USP17L1: variants seen among roughly 807,000 people sequenced by gnomAD.
USP17L1 encodes ubiquitin carboxyl-terminal hydrolase 17-like protein 1.
USP17L1 carries 42 observed loss-of-function variants against 31.4 expected under a neutral mutation model. The ratio of observed to expected loss-of-function variants is 1.34; its 90% confidence interval spans 1.05 to 1.73. The LOEUF (loss-of-function observed/expected upper bound fraction) is 1.73. Among genes scored for constraint, USP17L1 ranks in the 40% most tolerant of loss-of-function variants. USP17L1 has a pLI of 0.00. For synonymous variants in USP17L1, 230 were observed against 194.4 expected (o/e 1.18, Z -1.52); for missense variants, 576 against 495.8 (o/e 1.16, Z -1.54).
rs775204119 is a variant in USP17L1, at chr8:7,333,020, G to A, written c.634G>A (p.Gly212Arg). ...TCAAATCAAGTGTCTCCACTGCCAC[G>A]GGATTTCAGACACTTTTGACCCTTA... ...RSQIKCLHCH[G>R]ISDTFDPYLD... The change falls in exon 1 of 1, where the codon GGG (glycine) becomes AGG (arginine). Residue 212 changes from glycine to arginine, a missense_variant. Coordinates refer to ENST00000529559, the MANE Select transcript of USP17L1 (RefSeq NM_001256873.1). The A allele has an allele frequency of 1.3e-5, 16 of 1,198,978 alleles. 1 individual carries two copies. Among genetic ancestry groups the A allele is most frequent in the Middle Eastern group, 2.7e-4 (1 of 3,644 alleles). 74.3% of individuals were successfully genotyped at this position (1,198,978 alleles called of 1,614,324 possible).
Position 7,332,432 on chromosome 8 carries a change from C to A in USP17L1, c.46C>A (p.His16Asn). Reference sequence around the variant, plus strand: ...CTTGGGAGGTGAGTGGCAGTTCAACCACTTTTCAAAACTCACATCTTCTCG... The same window carrying A: ...CTTGGGAGGTGAGTGGCAGTTCAACAACTTTTCAAAACTCACATCTTCTCG... ...LYLGGEWQFN[H>N]FSKLTSSRPD... Residue 16 changes from histidine to asparagine, a missense_variant, in exon 1 of 1, where the codon CAC (histidine) becomes AAC (asparagine). His to Asn is a moderately conservative substitution (Grantham distance 68). Transcript: ENST00000529559. The A allele has an allele frequency of 1.7e-6, 1 of 585,510 alleles. No individual in the cohort carries two copies. The highest frequency in any genetic ancestry group is 2.8e-6 in the Non-Finnish European group (1 of 352,740). The allele number at this position is 585,510 out of a possible 1,614,324, so 36.3% of individuals were successfully genotyped here.
In USP17L1 at chr8:7,332,933, G is replaced by C. The variant is rs759189789; in HGVS notation, c.547G>C (p.Val183Leu). 7.1e-6 allele frequency: 11 copies of C among 1,559,222 alleles called. No homozygotes were observed. Among genetic ancestry groups the C allele is most frequent in the Admixed American group, 6.8e-5 (4 of 58,754 alleles). ...GGCATGCCTTCCCGGCCACAAGCAG[G>C]TAGATCATCACTGCAAGGACACCAC... is the stretch of plus-strand genomic sequence containing the variant. ...KKACLPGHKQVDHHCKDTTLI... is the reference protein window; with the variant it reads ...KKACLPGHKQLDHHCKDTTLI... Residue 183 changes from valine (V) to leucine (L), a missense_variant, in exon 1 of 1, where the codon GTA becomes CTA. Transcript: ENST00000529559.
At position 7,333,202 on chromosome 8, in the gene USP17L1, T is replaced by C. The variant is rs1177101622; in HGVS notation, c.816T>C (p.Ser272=). The change falls in exon 1 of 1, where the codon TCT becomes TCC. Residue 272 remains serine (S), a synonymous_variant. Transcript: ENST00000529559. The stretch of plus-strand genomic sequence containing the variant: ...CCAACACGTTAACTTTACACACTTC[T>C]GCCAAGGTCCTCATCCTTGTCTTGA... ...PASNTLTLHT[S]AKVLILVLKR... The C allele has an allele frequency of 4.6e-6, 4 of 864,430 alleles. No homozygotes were observed. Among genetic ancestry groups the C allele is most frequent in the Non-Finnish European group, 7.2e-6 (4 of 553,622 alleles). The allele number at this position is 864,430 out of a possible 1,614,324, so 53.5% of individuals were successfully genotyped here. A position where few individuals can be genotyped will look rare whatever the true frequency, so the allele number is the denominator to read the frequency against.
At position 7,333,665 on chromosome 8, in the gene USP17L1, A is replaced by G. The variant is rs1367493653; in HGVS notation, c.1279A>G (p.Arg427Gly). Residue 427 changes from arginine to glycine, a missense_variant, in exon 1 of 1, where the codon AGA becomes GGA. By Grantham distance (125) the Arg-to-Gly change is moderately radical. Transcript: ENST00000529559. ...CGAGTTGGACGAGCACTTGGTGGAA[A>G]GAGCCACTCAGGAAAGCACCTTAGA... is the stretch of plus-strand genomic sequence containing the variant. ...APELDEHLVERATQESTLDHW... is the reference protein window; with the variant it reads ...APELDEHLVEGATQESTLDHW... 1 of 1,573,676 alleles carries G rather than the reference A, an allele frequency of 6.4e-7. No homozygotes were observed. Among genetic ancestry groups the G allele is most frequent in the Non-Finnish European group, 8.6e-7 (1 of 1,166,562 alleles).
chr8:7,333,148 C>G lies in USP17L1; in HGVS notation c.762C>G (p.Cys254Trp). 1.3e-6 allele frequency: 1 copy of G among 780,812 alleles called. No homozygotes were observed. Among genetic ancestry groups the G allele is most frequent in the Non-Finnish European group, 2.0e-6 (1 of 490,186 alleles). The allele number at this position is 780,812 out of a possible 1,614,324, so 48.4% of individuals were successfully genotyped here. Reference sequence around the variant, plus strand: ...TCAATGGAGAGAATGCCTATCATTGCGGTCTTTGTCTCCAGAGGGCGCCGG... The same window carrying G: ...TCAATGGAGAGAATGCCTATCATTGGGGTCTTTGTCTCCAGAGGGCGCCGG... ...EELNGENAYH[C>W]GLCLQRAPAS... Residue 254 changes from cysteine to tryptophan, a missense_variant, in exon 1 of 1, where the codon TGC becomes TGG. Physicochemically the swap from Cys to Trp is radical, Grantham distance 215. Coordinates refer to ENST00000529559, the MANE Select transcript of USP17L1 (RefSeq NM_001256873.1).
rs1447514838 is a variant in USP17L1, at chr8:7,332,500, T to C, written c.114T>C (p.Pro38=). ...AFAEIQRTSL[P]EKSPLSSETR... ...CTGAAATCCAGCGGACTTCTCTCCCTGAGAAGTCACCACTCTCATCTGAGA... is the reference window on the plus strand; with the variant it reads ...CTGAAATCCAGCGGACTTCTCTCCCCGAGAAGTCACCACTCTCATCTGAGA... The change falls in exon 1 of 1, where the codon CCT becomes CCC. Residue 38 remains proline (P), a synonymous_variant. Transcript: ENST00000529559. 9 of 527,014 alleles carry C rather than the reference T, an allele frequency of 1.7e-5. 1 individual carries two copies. Among genetic ancestry groups the C allele is most frequent in the East Asian group, 3.0e-5 (1 of 33,816 alleles). The allele number at this position is 527,014 out of a possible 1,614,324, so 32.6% of individuals were successfully genotyped here. A position where few individuals can be genotyped will look rare whatever the true frequency, so the allele number is the denominator to read the frequency against.
At position 7,333,872 on chromosome 8, in the gene USP17L1, G is replaced by A. The variant is rs1324186007; in HGVS notation, c.1486G>A (p.Asp496Asn). 7.4e-6 allele frequency: 11 copies of A among 1,479,204 alleles called. 1 individual carries two copies. Among genetic ancestry groups the A allele is most frequent in the Non-Finnish European group, 1.0e-5 (11 of 1,089,170 alleles). 91.6% of individuals were successfully genotyped at this position (1,479,204 alleles called of 1,614,324 possible). A position where few individuals can be genotyped will look rare whatever the true frequency, so the allele number is the denominator to read the frequency against. ...LLNLSSTTRTDQESMNTGTLA... is the reference protein window; with the variant it reads ...LLNLSSTTRTNQESMNTGTLA... ...AAACCTCTCTTCGACGACCCGGACA[G>A]ATCAGGAGTCCATGAACACTGGCAC... Residue 496 changes from aspartate to asparagine, a missense_variant, in exon 1 of 1, where the codon GAT becomes AAT. Coordinates refer to ENST00000529559, the MANE Select transcript of USP17L1 (RefSeq NM_001256873.1).
In USP17L1 at chr8:7,333,489, A is replaced by G; in HGVS notation, c.1103A>G (p.Tyr368Cys). 1.3e-6 allele frequency: 2 copies of G among 1,557,540 alleles called. No individual in the cohort carries two copies. The highest frequency in any genetic ancestry group is 1.7e-6 in the Non-Finnish European group (2 of 1,155,172). Residue 368 changes from tyrosine to cysteine, a missense_variant, in exon 1 of 1, where the codon TAT becomes TGT. Physicochemically the swap from Tyr to Cys is radical, Grantham distance 194. Coordinates refer to ENST00000529559, the MANE Select transcript of USP17L1 (RefSeq NM_001256873.1). ...ATTTCTGTCCTGAGTCAACAGGCCT[A>G]TGTCCTCTTTTACATCCAGAAGAGT... Reference protein sequence around the residue: ...SIISVLSQQAYVLFYIQKSEW... With the variant: ...SIISVLSQQACVLFYIQKSEW...
Position 7,333,692 on chromosome 8 carries a change from C to A in USP17L1, c.1306C>A (p.His436Asn), listed in dbSNP as rs779567767. The A allele has an allele frequency of 3.6e-5, 57 of 1,586,196 alleles. 4 individuals are homozygous for A. The East Asian group carries it at 9.9e-4, about 28-fold the overall frequency. Residue 436 changes from histidine (H) to asparagine (N), a missense_variant, in exon 1 of 1, where the codon CAC (histidine) becomes AAC (asparagine). Coordinates refer to ENST00000529559, the MANE Select transcript of USP17L1 (RefSeq NM_001256873.1). ...AGCCACTCAGGAAAGCACCTTAGAC[C>A]ACTGGAAATTCCTGCAAGAGCAAAA... Reference protein sequence around the residue: ...ERATQESTLDHWKFLQEQNKT... With the variant: ...ERATQESTLDNWKFLQEQNKT...
chr8:7,332,562 C>T lies in USP17L1; in HGVS notation c.176C>T (p.Ala59Val), dbSNP rs1262270301. The T allele has an allele frequency of 6.0e-6, 3 of 501,054 alleles. No individual in the cohort carries two copies. The Admixed American group carries it at 1.1e-4, about 19-fold the overall frequency. 31.0% of individuals were successfully genotyped at this position (501,054 alleles called of 1,614,324 possible). A position where few individuals can be genotyped will look rare whatever the true frequency, so the allele number is the denominator to read the frequency against. Residue 59 changes from alanine (A) to valine (V), a missense_variant, in exon 1 of 1, where the codon GCA becomes GTA. Transcript: ENST00000529559. ...CTCTGTGATGATTTGGCTCCTGTGG[C>T]AAGACAGCTCGCTCCCAGGGAGAAG... ...VDLCDDLAPV[A>V]RQLAPREKLP...
rs548388206 is a variant in USP17L1, at chr8:7,333,750, T to C, written c.1364T>C (p.Val455Ala). 1.3e-6 allele frequency: 2 copies of C among 1,579,462 alleles called. No individual in the cohort carries two copies. Among genetic ancestry groups the C allele is most frequent in the Non-Finnish European group, 1.7e-6 (2 of 1,171,512 alleles). Residue 455 changes from valine to alanine, a missense_variant, in exon 1 of 1, where the codon GTC becomes GCC. Transcript: ENST00000529559. Reference sequence around the variant, plus strand: ...AAGCCTGAGTTCAACGTCGGAAAAGTCGAAGGTACCCTGCCTCCCAACGCA... The same window carrying C: ...AAGCCTGAGTTCAACGTCGGAAAAGCCGAAGGTACCCTGCCTCCCAACGCA... Reference protein sequence around the residue: ...KTKPEFNVGKVEGTLPPNALV... With the variant: ...KTKPEFNVGKAEGTLPPNALV...
At position 7,332,944 on chromosome 8, in the gene USP17L1, C is replaced by T. The variant is rs1275638932; in HGVS notation, c.558C>T (p.His186=). The T allele has an allele frequency of 7.0e-6, 11 of 1,563,996 alleles. No homozygotes were observed. The Admixed American group carries it at 1.0e-4, about 15-fold the overall frequency. Reference sequence around the variant, plus strand: ...CCGGCCACAAGCAGGTAGATCATCACTGCAAGGACACCACCCTCATCCACC... The same window carrying T: ...CCGGCCACAAGCAGGTAGATCATCATTGCAAGGACACCACCCTCATCCACC... ...CLPGHKQVDH[H]CKDTTLIHQI... Residue 186 remains histidine (H), a synonymous_variant, in exon 1 of 1, where the codon CAC becomes CAT. Transcript: ENST00000529559.
At position 7,333,578 on chromosome 8, in the gene USP17L1, G is replaced by A. The variant is rs773143816; in HGVS notation, c.1192G>A (p.Asp398Asn). The change falls in exon 1 of 1, where the codon GAC becomes AAC. Residue 398 changes from aspartate to asparagine, a missense_variant. By Grantham distance (23) the Asp-to-Asn change is conservative (BLOSUM62 1). Coordinates refer to ENST00000529559, the MANE Select transcript of USP17L1 (RefSeq NM_001256873.1). ...GREPRALGAE[D>N]TDRRAKQGEL... ...GGAACCAAGAGCCCTCGGCGCTGAA[G>A]ACACAGACAGGCGAGCAAAGCAAGG... 19 of 1,474,282 alleles carry A rather than the reference G, an allele frequency of 1.3e-5. No homozygotes were observed. The Admixed American group carries it at 2.9e-4, about 23-fold the overall frequency. 91.3% of individuals were successfully genotyped at this position (1,474,282 alleles called of 1,614,324 possible).
chr8:7,333,885 T>G lies in USP17L1; in HGVS notation c.1499T>G (p.Met500Arg), dbSNP rs769082990. 3.1e-5 allele frequency: 47 copies of G among 1,497,072 alleles called. 1 individual carries two copies. The highest frequency in any genetic ancestry group is 3.4e-5 in the South Asian group (3 of 87,170). The allele number at this position is 1,497,072 out of a possible 1,614,324, so 92.7% of individuals were successfully genotyped here. Reference sequence around the variant, plus strand: ...ACGACCCGGACAGATCAGGAGTCCATGAACACTGGCACACTCGCTTCTCTG... The same window carrying G: ...ACGACCCGGACAGATCAGGAGTCCAGGAACACTGGCACACTCGCTTCTCTG... ...SSTTRTDQES[M>R]NTGTLASLQG... Residue 500 changes from methionine (M) to arginine (R), a missense_variant, in exon 1 of 1, where the codon ATG becomes AGG. By Grantham distance (91) the Met-to-Arg change is moderately conservative. Coordinates refer to ENST00000529559, the MANE Select transcript of USP17L1 (RefSeq NM_001256873.1).
rs1585345916 is a variant in USP17L1, at chr8:7,332,904, A to T, written c.518A>T (p.Lys173Ile). The T allele has an allele frequency of 3.3e-6, 5 of 1,506,190 alleles. No individual in the cohort carries two copies. The East Asian group carries it at 1.2e-4, about 35-fold the overall frequency. 93.3% of individuals were successfully genotyped at this position (1,506,190 alleles called of 1,614,324 possible). ...EFLMFTVDAM[K>I]KACLPGHKQV... ...CTCATGTTCACTGTGGATGCCATGAAAAAGGCATGCCTTCCCGGCCACAAG... is the reference window on the plus strand; with the variant it reads ...CTCATGTTCACTGTGGATGCCATGATAAAGGCATGCCTTCCCGGCCACAAG... The change falls in exon 1 of 1, where the codon AAA (lysine) becomes ATA (isoleucine). Residue 173 changes from lysine to isoleucine, a missense_variant. Coordinates refer to ENST00000529559, the MANE Select transcript of USP17L1 (RefSeq NM_001256873.1).
At position 7,333,478 on chromosome 8, in the gene USP17L1, T is replaced by A; in HGVS notation, c.1092T>A (p.Ser364Arg). 6.4e-7 allele frequency: 1 copy of A among 1,561,658 alleles called. No individual in the cohort carries two copies. Among genetic ancestry groups the A allele is most frequent in the Non-Finnish European group, 8.6e-7 (1 of 1,159,030 alleles). The change falls in exon 1 of 1, where the codon AGT (serine) becomes AGA (arginine). Residue 364 changes from serine to arginine, a missense_variant. Ser to Arg is a moderately radical substitution (Grantham distance 110). Transcript: ENST00000529559. ...TCTGTAGCATCATTTCTGTCCTGAG[T>A]CAACAGGCCTATGTCCTCTTTTACA... ...VTVCSIISVL[S>R]QQAYVLFYIQ...
chr8:7,333,794 A>C lies in USP17L1; in HGVS notation c.1408A>C (p.Lys470Gln). 1 of 1,468,252 alleles carries C rather than the reference A, an allele frequency of 6.8e-7. No individual in the cohort carries two copies. The allele number at this position is 1,468,252 out of a possible 1,614,324, so 91.0% of individuals were successfully genotyped here. A position where few individuals can be genotyped will look rare whatever the true frequency, so the allele number is the denominator to read the frequency against. ...CAACGCACTTGTGATTCATCAATCA[A>C]AATACAAGTGTGGGATGAAAAACCA... ...PPNALVIHQS[K>Q]YKCGMKNHHP... Residue 470 changes from lysine (K) to glutamine (Q), a missense_variant, in exon 1 of 1, where the codon AAA (lysine) becomes CAA (glutamine). Lys to Gln is a moderately conservative substitution (Grantham distance 53). Transcript: ENST00000529559.
At position 7,333,880 on chromosome 8, in the gene USP17L1, G is replaced by A. The variant is rs947843271; in HGVS notation, c.1494G>A (p.Glu498=). 4 of 1,483,468 alleles carry A rather than the reference G, an allele frequency of 2.7e-6. No homozygotes were observed. Among genetic ancestry groups the A allele is most frequent in the Non-Finnish European group, 2.7e-6 (3 of 1,092,596 alleles). 91.9% of individuals were successfully genotyped at this position (1,483,468 alleles called of 1,614,324 possible). A position where few individuals can be genotyped will look rare whatever the true frequency, so the allele number is the denominator to read the frequency against. The change falls in exon 1 of 1, where the codon GAG becomes GAA. Residue 498 remains glutamate, a synonymous_variant. Transcript: ENST00000529559. ...CTTCGACGACCCGGACAGATCAGGA[G>A]TCCATGAACACTGGCACACTCGCTT... ...NLSSTTRTDQ[E]SMNTGTLASL... is the part of the protein sequence containing the mutation.
chr8:7,333,418 C>A lies in USP17L1; in HGVS notation c.1032C>A (p.Val344=), dbSNP rs748729672. 6.4e-7 allele frequency: 1 copy of A among 1,573,522 alleles called. No homozygotes were observed. The highest frequency in any genetic ancestry group is 2.2e-5 in the East Asian group (1 of 44,452). ...HYFSYVKAQE[V]QWYKMDDAEV... The stretch of plus-strand genomic sequence containing the variant: ...TCTCCTATGTCAAAGCTCAAGAAGT[C>A]CAGTGGTATAAAATGGATGATGCCG... Residue 344 remains valine (V), a synonymous_variant, in exon 1 of 1, where the codon GTC becomes GTA. Transcript: ENST00000529559.
Sources: allele counts gnomAD v4.1 joint callset, GRCh38; gene constraint gnomAD v4.1.1; transcripts MANE v1.5; gene names NCBI Gene and HGNC (gene_info 2026-07-23, HGNC 2026-07-21).